Variants in TTC28 observed in about 807,000 individuals in gnomAD.
TTC28 encodes the protein tetratricopeptide repeat domain 28.
In TTC28, 61 loss-of-function variants were observed where a neutral mutation model predicts 198.0. The ratio of observed to expected loss-of-function variants is 0.31; its 90% CI spans 0.25 to 0.38. The LOEUF (loss-of-function observed/expected upper bound fraction) is 0.38. TTC28 is among the 10% of genes least tolerant of loss of function. TTC28 has a pLI of 1.00. For synonymous variants in TTC28, 1,171 were observed against 1,297.8 expected (o/e 0.90, Z 2.10); for missense variants, 2,678 against 3,164.0 (o/e 0.85, Z 3.69).
rs1050950377 is a variant in TTC28 at position 28,018,664 on chromosome 22, A to G, written c.4074-4272T>C. On this transcript the variant is annotated intron_variant, in intron 13 of 22. Coordinates refer to ENST00000397906, the MANE Select transcript of TTC28 (RefSeq NM_001145418.2). ...ACATGTGGCTGGTCCCCACTGGGGA[A>G]CTGCCCTGGGACTGATAGGCTCAGG... is the stretch of plus-strand genomic sequence containing the variant. 2.6e-5 allele frequency among the ~76,000 whole-genome samples: 4 copies of G among 152,120 alleles called. No homozygotes were observed. In the South Asian group the frequency reaches 8.3e-4, roughly 32 times the overall value.
chr22:27,996,015 C>A (rs761255332), intron 17 of TTC28, 120 bp downstream of exon 17: 1 of 1,407,116 alleles, frequency 7.1e-7, no homozygotes, highest in Non-Finnish European at 9.4e-7. Flanking sequence ...ATCCTGGACA[C>A]GGCCCCAATC....
intron 2 of TTC28, among the ~76,000 whole-genome samples, chr22:28,626,752 T>A (rs1162123517): frequency 6.6e-6 from 1 of 152,076 alleles, no homozygotes; most frequent in African/African-American, 2.4e-5. Flanking sequence ...TAAATTAGGT[T>A]TGCTTAAAGC....
At chr22:28,645,001 C>T (rs1265267284) in intron 1 of TTC28, among the ~76,000 whole-genome samples, 3 of 151,056 alleles carry the variant, frequency 2.0e-5, no homozygotes, top group African/African-American at 7.3e-5. Flanking sequence ...AAAAATTAGC[C>T]GGGCGTGGTG....
At chr22:28,483,828 G>A (rs2048283449) in intron 2 of TTC28, among the ~76,000 whole-genome samples, 2 of 152,158 alleles carry the variant, frequency 1.3e-5, no homozygotes, top group African/African-American at 4.8e-5. Context: ...TAGACTAAGG[G>A]TTAAGAATCC....
intron 6 of TTC28, among the ~76,000 whole-genome samples, chr22:28,120,917 A>G (rs1432049969): frequency 6.6e-6 from 1 of 152,250 alleles, no homozygotes; most frequent in Non-Finnish European, 1.5e-5. Context: ...TAGATTAAGC[A>G]TAATGCTATC....
chr22:28,555,952 T>G (rs147443605), intron 2 of TTC28, among the ~76,000 whole-genome samples: 2 of 152,338 alleles, frequency 1.3e-5, no homozygotes, highest in East Asian at 3.9e-4. Context: ...CTAATTTTGT[T>G]GCTCATCATC....
intron 5 of TTC28, among the ~76,000 whole-genome samples, chr22:28,190,468 G>A (rs1041047284): frequency 6.6e-6 from 1 of 152,150 alleles, no homozygotes; most frequent in Non-Finnish European, 1.5e-5. Flanking sequence ...CTCTAAATCT[G>A]TTTCCCTATA....
intron 14 of TTC28, chr22:28,007,758 A>G (rs1254911538): frequency 6.6e-6 from 1 of 152,252 alleles, no homozygotes; most frequent in Middle Eastern, 3.2e-3. Context: ...GCCAGCACGC[A>G]GATGACACTC....
intron 2 of TTC28, among the ~76,000 whole-genome samples, chr22:28,580,962 TCTTC>T (rs1280415878): frequency 3.3e-5 from 5 of 152,230 alleles, no homozygotes; most frequent in Middle Eastern, 3.4e-3. Flanking sequence ...GCAAAGCCTC[TCTTC>T]CTTAAGAAAA....
intron 5 of TTC28, among the ~76,000 whole-genome samples, chr22:28,242,554 G>A (rs144889744): frequency 3.3e-5 from 5 of 152,230 alleles, no homozygotes; most frequent in African/African-American, 7.2e-5. Flanking sequence ...GTAAATGGAC[G>A]TGGTTTATGC....
At chr22:28,456,691 T>C (rs901959060) in intron 2 of TTC28, among the ~76,000 whole-genome samples, 1 of 152,188 alleles carries the variant, frequency 6.6e-6, no homozygotes, top group Non-Finnish European at 1.5e-5. Flanking sequence ...TTCTCCTGCC[T>C]CAGCCTCCTG....
At chr22:28,089,594 G>T (rs1941744888) in intron 12 of TTC28, among the ~76,000 whole-genome samples, 1 of 149,538 alleles carries the variant, frequency 6.7e-6, no homozygotes. Flanking sequence ...CAGCACACCA[G>T]CATGGCACGT....
chr22:28,333,079 T>C (rs928607728), intron 2 of TTC28, among the ~76,000 whole-genome samples: 2 of 152,098 alleles, frequency 1.3e-5, no homozygotes, highest in African/African-American at 4.8e-5. Flanking sequence ...AAAGAGGTAC[T>C]TCAAATATTT....
At chr22:28,432,281 G>A (rs1160320845) in intron 2 of TTC28, among the ~76,000 whole-genome samples, 2 of 151,152 alleles carry the variant, frequency 1.3e-5, no homozygotes, top group Non-Finnish European at 2.9e-5. Flanking sequence ...GCGAGACTCT[G>A]TCTCAAAATA....
rs75480285 is a variant in TTC28 at position 28,021,760 on chromosome 22, A to G, written c.4074-7368T>C. ...CGCCCTCCTGCTCCTCTGGGGCTCA[A>G]TTCCTCACCAGGCACTTGGTTCCTT... On this transcript the variant is annotated intron_variant, in intron 13 of 22. Transcript: ENST00000397906. Among the ~76,000 whole-genome samples the G allele has an allele frequency of 3.4e-3, 523 of 152,100 alleles. 4 individuals carry two copies. The highest frequency in any genetic ancestry group is 0.012 in the African/African-American group (482 of 41,498).
intron 12 of TTC28, among the ~76,000 whole-genome samples, chr22:28,080,192 T>C (rs1193770404): frequency 6.6e-6 from 1 of 152,232 alleles, no homozygotes; most frequent in Non-Finnish European, 1.5e-5. Flanking sequence ...ATGTTTTCAA[T>C]TCTTTTGTGT....
At chr22:28,675,197 A>G (rs570728119) in intron 1 of TTC28, among the ~76,000 whole-genome samples, 1 of 152,320 alleles carries the variant, frequency 6.6e-6, no homozygotes, top group African/African-American at 2.4e-5. Flanking sequence ...TATACAAAAT[A>G]ATAAATTTGG....
chr22:28,438,051 G>C (rs1165666644), intron 2 of TTC28, among the ~76,000 whole-genome samples: 2 of 152,148 alleles, frequency 1.3e-5, no homozygotes, highest in East Asian at 3.9e-4. Flanking sequence ...ATGGAGTATA[G>C]AATGGATTTG....
At chr22:28,318,517 T>G (rs1204977747) in intron 2 of TTC28, among the ~76,000 whole-genome samples, 1 of 152,184 alleles carries the variant, frequency 6.6e-6, no homozygotes, top group Non-Finnish European at 1.5e-5. Flanking sequence ...TTGAGTCACC[T>G]GCTACCATTT....
Sources: gnomAD v4.1 joint callset for allele counts (sites outside exome capture counted in the v4.1 genomes callset) on GRCh38, gnomAD v4.1.1 for gene constraint, MANE v1.5 for transcripts, NCBI Gene and HGNC (gene_info 2026-07-23, HGNC 2026-07-21) for gene names.